Variants in KCNQ3 observed in about 807,000 individuals in gnomAD.
The protein encoded by KCNQ3 is potassium voltage-gated channel subfamily KQT member 3.
A neutral mutation model predicts 92.5 loss-of-function variants in KCNQ3; 30 were observed. That is an observed-to-expected ratio of 0.32 (90% CI 0.24 to 0.44). The LOEUF (loss-of-function observed/expected upper bound fraction) is 0.44. Ranked by LOEUF, KCNQ3 falls within the 20% of genes least tolerant of loss-of-function variation. KCNQ3 has a pLI of 1.00. For synonymous variants in KCNQ3, 450 were observed against 468.8 expected, an observed-to-expected ratio of 0.96 and a Z score of 0.52; for missense variants, 913 against 1,140.3, an observed-to-expected ratio of 0.80 and a Z score of 2.87.
At chr8:132,306,108 G>A (rs1817414197) in intron 1 of KCNQ3, among the ~76,000 whole-genome samples, 1 of 152,142 alleles carries the variant, frequency 6.6e-6, no homozygotes, top group South Asian at 2.1e-4. Context: ...TCCATGTTTA[G>A]TGTGGGAACA....
chr8:132,475,663 G>A (rs570655418), intron 1 of KCNQ3, among the ~76,000 whole-genome samples: 10 of 152,204 alleles, frequency 6.6e-5, no homozygotes, highest in Admixed American at 2.0e-4. Context: ...AGTTATGTGC[G>A]TTCACAAAGG....
At chr8:132,349,432 G>T (rs1818792694) in intron 1 of KCNQ3, among the ~76,000 whole-genome samples, 1 of 152,260 alleles carries the variant, frequency 6.6e-6, no homozygotes, top group African/African-American at 2.4e-5. Context: ...AGAAAGAGAA[G>T]AGAGAAAGAA....
intron 1 of KCNQ3, among the ~76,000 whole-genome samples, chr8:132,241,131 T>C (rs753366603): frequency 1.3e-5 from 2 of 152,086 alleles, no homozygotes; most frequent in Non-Finnish European, 2.9e-5. Context: ...CCAGGTGATC[T>C]GCCTGCCTCA....
intron 5 of KCNQ3, among the ~76,000 whole-genome samples, chr8:132,174,989 G>C (rs1344412778): frequency 6.6e-6 from 1 of 152,214 alleles, no homozygotes; most frequent in Non-Finnish European, 1.5e-5. Context: ...GAAGTTGTTT[G>C]AGTTTAAAGT....
intron 1 of KCNQ3, among the ~76,000 whole-genome samples, chr8:132,427,917 G>A (rs1183718337): frequency 6.6e-6 from 1 of 152,138 alleles, no homozygotes. Context: ...ATTCCCCATG[G>A]ACCAATTATC....
chr8:132,426,903 G>A (rs1215164365), intron 1 of KCNQ3, among the ~76,000 whole-genome samples: 2 of 152,132 alleles, frequency 1.3e-5, no homozygotes, highest in Non-Finnish European at 2.9e-5. Context: ...CCTAAGAAGG[G>A]ATAGGCTAGA....
At chr8:132,396,440 A>C (rs1294347279) in intron 1 of KCNQ3, among the ~76,000 whole-genome samples, 7 of 151,460 alleles carry the variant, frequency 4.6e-5, no homozygotes, top group African/African-American at 1.2e-4. Flanking sequence ...AAAAAAAAAA[A>C]CCCAGAGCCT....
chr8:132,230,118 T>C (rs1814583532), intron 1 of KCNQ3, among the ~76,000 whole-genome samples: 1 of 152,118 alleles, frequency 6.6e-6, no homozygotes, highest in African/African-American at 2.4e-5. Context: ...AGTTTTCAGA[T>C]GACAGCACCA....
intron 1 of KCNQ3, among the ~76,000 whole-genome samples, chr8:132,248,041 G>C (rs1052191118): frequency 1.3e-5 from 2 of 152,102 alleles, no homozygotes; most frequent in African/African-American, 4.8e-5. Context: ...ACGCTGCCAG[G>C]AAGTGGCAGA....
At chr8:132,195,822 G>A (rs58443180) in intron 1 of KCNQ3, among the ~76,000 whole-genome samples, 5 of 152,046 alleles carry the variant, frequency 3.3e-5, no homozygotes, top group Admixed American at 6.5e-5. Flanking sequence ...GATAGAAAAT[G>A]CTATTCCTCG....
At chr8:132,139,282 G>A (rs2130940919) in intron 11 of KCNQ3, among the ~76,000 whole-genome samples, 1 of 152,348 alleles carries the variant, frequency 6.6e-6, no homozygotes, top group Non-Finnish European at 1.5e-5. Flanking sequence ...GGTTTTCTCT[G>A]AATAAAGGCT....
intron 1 of KCNQ3, among the ~76,000 whole-genome samples, chr8:132,388,116 AT>A (rs1819944606): frequency 6.6e-6 from 1 of 152,250 alleles, no homozygotes; most frequent in African/African-American, 2.4e-5. Flanking sequence ...TTCACTGGAA[AT>A]AAATCAATTA....
chr8:132,335,290 C>T (rs1326623410), intron 1 of KCNQ3, among the ~76,000 whole-genome samples: 1 of 152,192 alleles, frequency 6.6e-6, no homozygotes, highest in Non-Finnish European at 1.5e-5. Flanking sequence ...CCGCCTGCCT[C>T]AGCATCCCAA....
intron 1 of KCNQ3, among the ~76,000 whole-genome samples, chr8:132,344,229 C>T (rs1818615851): frequency 6.6e-6 from 1 of 152,210 alleles, no homozygotes; most frequent in African/African-American, 2.4e-5. Flanking sequence ...GTACCCTATT[C>T]TCTACTAACA....
At chr8:132,479,674 G>A (rs1331228903) in intron 1 of KCNQ3, among the ~76,000 whole-genome samples, 11 of 145,994 alleles carry the variant, frequency 7.5e-5, no homozygotes, top group Non-Finnish European at 1.5e-4. Flanking sequence ...ACTATGGGTG[G>A]TGCGCACCCC....
intron 1 of KCNQ3, among the ~76,000 whole-genome samples, chr8:132,382,697 CT>C (rs1385136655): frequency 2.6e-5 from 4 of 152,138 alleles, no homozygotes; most frequent in Non-Finnish European, 5.9e-5. Flanking sequence ...TGCCTTTAGC[CT>C]CAAGAGAGTC....
rs147073526 is a variant in KCNQ3 at position 132,186,349 on chromosome 8, C to T, written c.387-168G>A. The stretch of plus-strand genomic sequence containing the variant: ...CTTCACGACAAACCTGCAAGGCAGG[C>T]GGAAACAATCATCCCAGTTAAATAA... On this transcript the variant is annotated intron_variant, in intron 1 of 14. Coordinates refer to ENST00000388996, the MANE Select transcript of KCNQ3 (RefSeq NM_004519.4). 1.9e-3 allele frequency among the ~76,000 whole-genome samples: 283 copies of T among 152,302 alleles called. 1 individual carries two copies. The highest frequency in any genetic ancestry group is 6.8e-3 in the Middle Eastern group (2 of 294).
intron 1 of KCNQ3, among the ~76,000 whole-genome samples, chr8:132,379,133 T>C (rs1042233755): frequency 6.6e-6 from 1 of 152,248 alleles, no homozygotes; most frequent in African/African-American, 2.4e-5. Context: ...TTACTATTTA[T>C]AACCGGGTTT....
intron 1 of KCNQ3, among the ~76,000 whole-genome samples, chr8:132,407,451 C>A (rs1820520990): frequency 6.6e-6 from 1 of 152,200 alleles, no homozygotes; most frequent in South Asian, 2.1e-4. Context: ...GGCCTCTGAA[C>A]AAATCAATGT....
Sources: allele counts gnomAD v4.1 joint callset (sites outside exome capture counted in the v4.1 genomes callset), GRCh38; gene constraint gnomAD v4.1.1; transcripts MANE v1.5; gene names NCBI Gene and HGNC (gene_info 2026-07-23, HGNC 2026-07-21).